Variants in RANBP2 observed in about 807,000 individuals in gnomAD.
RANBP2 encodes E3 SUMO-protein ligase RanBP2.
Under a neutral mutation model 303.6 loss-of-function variants are expected in RANBP2, and 57 were observed. The ratio of observed to expected loss-of-function variants is 0.19; its 90% CI spans 0.15 to 0.23. The LOEUF (loss-of-function observed/expected upper bound fraction) is 0.23. RANBP2 is among the 10% of genes least tolerant of loss of function. The pLI is 1.00. For synonymous variants in RANBP2, 1,167 were observed against 1,301.5 expected (o/e 0.90, Z 2.23); for missense variants, 3,138 against 3,780.8 (o/e 0.83, Z 4.46).
chr2:109,430,353 A>G, the RANBP2 span, among the ~76,000 whole-genome samples: 1 of 152,132 alleles, frequency 6.6e-6, no homozygotes, highest in Non-Finnish European at 1.5e-5. Context: ...ATTGTTACTG[A>G]TTCACAAGCC....
the RANBP2 span, among the ~76,000 whole-genome samples, chr2:109,434,286 G>T: frequency 6.6e-6 from 1 of 152,238 alleles, no homozygotes; most frequent in Non-Finnish European, 1.5e-5. Flanking sequence ...GTTATATGAG[G>T]AGGCAGGTTC....
downstream of RANBP2, chr2:108,789,099 C>T (rs1679470820): frequency 2.8e-6 from 2 of 718,698 alleles, no homozygotes; most frequent in Admixed American, 3.1e-5. Flanking sequence ...AGTCTGGAGC[C>T]TGCTAAATAG....
intron 4 of RANBP2, 150 bp from the exon 5 acceptor site, chr2:108,735,382 T>G: frequency 6.8e-7 from 1 of 1,473,010 alleles, no homozygotes; most frequent in Non-Finnish European, 9.2e-7. Context: ...TAAGCAACTC[T>G]CAGAAGGGAT....
the RANBP2 span, among the ~76,000 whole-genome samples, chr2:109,242,946 T>C: frequency 3.9e-5 from 6 of 152,374 alleles, no homozygotes; most frequent in Middle Eastern, 3.4e-3. Flanking sequence ...AAAGGACTCT[T>C]GTCCTCTGTG....
the RANBP2 span, among the ~76,000 whole-genome samples, chr2:108,866,290 T>A: frequency 1.3e-5 from 2 of 152,212 alleles, no homozygotes; most frequent in African/African-American, 4.8e-5. Flanking sequence ...CCCTGTGAAG[T>A]GATCCAGGAT....
chr2:109,190,260 G>A, the RANBP2 span, among the ~76,000 whole-genome samples: 4 of 151,788 alleles, frequency 2.6e-5, no homozygotes, highest in African/African-American at 9.7e-5. Flanking sequence ...TGCAACCTCC[G>A]CCTCGCGGGT....
At chr2:109,732,758 G>A in the RANBP2 span, 1 of 766,296 alleles carries the variant, frequency 1.3e-6, no homozygotes, top group South Asian at 1.3e-5. Context: ...TGGAAACAAT[G>A]GCAACAAGAC....
At chr2:109,582,050 CAAG>C in the RANBP2 span, among the ~76,000 whole-genome samples, 1 of 149,752 alleles carries the variant, frequency 6.7e-6, no homozygotes, top group East Asian at 2.0e-4. Flanking sequence ...AGAGCCGTAT[CAAG>C]AACACAATGC....
chr2:109,501,635 A>G, the RANBP2 span: 3 of 776,870 alleles, frequency 3.9e-6, no homozygotes, highest in East Asian at 2.4e-5. Context: ...ACGGCCGCAC[A>G]GGCCTCTTCC....
the RANBP2 span, among the ~76,000 whole-genome samples, chr2:109,024,082 C>T: frequency 5.9e-5 from 9 of 152,048 alleles, no homozygotes; most frequent in African/African-American, 1.7e-4. Flanking sequence ...TGCACCACCA[C>T]GCCCCGCTAA....
the RANBP2 span, among the ~76,000 whole-genome samples, chr2:109,380,164 T>C: frequency 6.6e-6 from 1 of 152,192 alleles, no homozygotes; most frequent in African/African-American, 2.4e-5. Context: ...TTGGGTTTGT[T>C]TGTCTCCAGC....
intron 7 of RANBP2, among the ~76,000 whole-genome samples, chr2:108,744,081 TAACA>T (rs1288660678): frequency 5.3e-5 from 8 of 152,170 alleles, no homozygotes; most frequent in African/African-American, 1.9e-4. Context: ...GCTAGGTAGT[TAACA>T]AAGTATCTTG....
At chr2:109,744,595 T>A in the RANBP2 span, among the ~76,000 whole-genome samples, 21 of 102,448 alleles carry the variant, frequency 2.0e-4, 4 homozygotes, top group African/African-American at 5.7e-4. Flanking sequence ...ATGATCTAAT[T>A]AACAAGTAAG....
At chr2:109,193,297 CAG>C in the RANBP2 span, among the ~76,000 whole-genome samples, 14 of 152,278 alleles carry the variant, frequency 9.2e-5, no homozygotes, top group African/African-American at 3.4e-4. Flanking sequence ...TTTATTGAGA[CAG>C]AATTCACATA....
the RANBP2 span, among the ~76,000 whole-genome samples, chr2:109,217,381 A>T: frequency 6.6e-6 from 1 of 152,202 alleles, no homozygotes; most frequent in Non-Finnish European, 1.5e-5. Flanking sequence ...CTACAGGTCA[A>T]ATTCCCATCT....
the RANBP2 span, among the ~76,000 whole-genome samples, chr2:108,835,523 C>T: frequency 6.6e-6 from 1 of 152,192 alleles, no homozygotes; most frequent in African/African-American, 2.4e-5. Context: ...AAATATTTTT[C>T]ACAAAGTATT....
At chr2:109,705,933 C>A in the RANBP2 span, among the ~76,000 whole-genome samples, 1 of 152,194 alleles carries the variant, frequency 6.6e-6, no homozygotes, top group Non-Finnish European at 1.5e-5. Context: ...CCACCTGCAC[C>A]TTTACCAGAG....
chr2:109,440,463 C>A, the RANBP2 span, among the ~76,000 whole-genome samples: 1 of 152,144 alleles, frequency 6.6e-6, no homozygotes, highest in South Asian at 2.1e-4. Context: ...GGGGGCACAT[C>A]AAAGGGTGTT....
the RANBP2 span, among the ~76,000 whole-genome samples, chr2:109,594,066 T>C: frequency 3.9e-5 from 6 of 152,176 alleles, no homozygotes; most frequent in African/African-American, 1.4e-4. Flanking sequence ...ACAGGTCTGA[T>C]TTGACTGCCA....
Sources: allele counts gnomAD v4.1 joint callset (sites outside exome capture counted in the v4.1 genomes callset), GRCh38; gene constraint gnomAD v4.1.1; transcripts MANE v1.5; gene names NCBI Gene and HGNC (gene_info 2026-07-23, HGNC 2026-07-21).